The following NDUFAF2 variants were observed in gnomAD, a reference collection of about 807,000 sequenced individuals.
NDUFAF2 encodes NADH dehydrogenase [ubiquinone] 1 alpha subcomplex assembly factor 2.
Under a neutral mutation model 22.8 loss-of-function variants are expected in NDUFAF2, and 13 were observed. The ratio of observed to expected loss-of-function variants is 0.57; its 90% CI spans 0.37 to 0.91. The LOEUF (loss-of-function observed/expected upper bound fraction) is 0.91, where lower values mean the gene tolerates loss of function less well. NDUFAF2 is among the 40% of genes least tolerant of loss of function. The probability of loss-of-function intolerance (pLI) is 0.01; values close to 1 mark genes in which losing one functional copy is unlikely to be tolerated. For synonymous variants in NDUFAF2, 53 were observed against 64.2 expected (o/e 0.83, Z 0.84); for missense variants, 162 against 195.2 (o/e 0.83, Z 1.01).
intron 1 of NDUFAF2, among the ~76,000 whole-genome samples, chr5:61,066,064 A>G (rs1752223974): frequency 6.6e-6 from 1 of 152,094 alleles, no homozygotes; most frequent in South Asian, 2.1e-4. Context: ...ATTTTAATAC[A>G]CAACCTAACT....
intron 1 of NDUFAF2, among the ~76,000 whole-genome samples, chr5:60,968,589 G>A (rs1250638318): frequency 6.6e-6 from 1 of 151,300 alleles, no homozygotes; most frequent in African/African-American, 2.4e-5. Flanking sequence ...TAATTTTTGT[G>A]GGTACATAGT....
chr5:61,100,818 A>G (rs1752696708), intron 3 of NDUFAF2, among the ~76,000 whole-genome samples: 1 of 152,100 alleles, frequency 6.6e-6, no homozygotes, highest in Non-Finnish European at 1.5e-5. Context: ...TGTGGACCCA[A>G]GAGAGTGGAG....
At chr5:61,034,720 T>C (rs539003823) in intron 1 of NDUFAF2, among the ~76,000 whole-genome samples, 1 of 152,278 alleles carries the variant, frequency 6.6e-6, no homozygotes, top group Non-Finnish European at 1.5e-5. Flanking sequence ...CAAAACAGCA[T>C]GTTCAAACTA....
chr5:61,085,441 C>T (rs912709467), intron 2 of NDUFAF2, among the ~76,000 whole-genome samples: 1 of 152,122 alleles, frequency 6.6e-6, no homozygotes, highest in African/African-American at 2.4e-5. Context: ...CAGTTAACCT[C>T]ACATTCAATG....
Position 60,964,485 on chromosome 5 carries a change from C to T in NDUFAF2, c.127+19103C>T, listed in dbSNP as rs544098587. 1.0e-3 allele frequency among the ~76,000 whole-genome samples: 150 copies of T among 150,258 alleles called. 2 individuals are homozygous for T. Among genetic ancestry groups the T allele is most frequent in the Admixed American group, 9.5e-3 (144 of 15,104 alleles). ...TTTTTTTTGGAGACCGAGTCTCACT[C>T]TGTTGCCCCGGCTGGAATACAGTGG... On this transcript the variant is annotated intron_variant, in intron 1 of 3. Transcript: ENST00000296597.
chr5:61,113,549 C>T (rs946999996), intron 3 of NDUFAF2, among the ~76,000 whole-genome samples: 2 of 152,104 alleles, frequency 1.3e-5, no homozygotes, highest in Non-Finnish European at 2.9e-5. Context: ...GGGGTGGTTA[C>T]CTCTGTGCTG....
At chr5:61,111,641 CAG>C (rs1429029019) in intron 3 of NDUFAF2, among the ~76,000 whole-genome samples, 2 of 151,292 alleles carry the variant, frequency 1.3e-5, no homozygotes, top group African/African-American at 4.9e-5. Context: ...TTTTTTGAGA[CAG>C]AGTCTCACTC....
At chr5:60,981,805 C>T (rs1361672077) in intron 1 of NDUFAF2, among the ~76,000 whole-genome samples, 1 of 152,074 alleles carries the variant, frequency 6.6e-6, no homozygotes, top group African/African-American at 2.4e-5. Context: ...ATCTGTACAT[C>T]CACAGTGAAC....
At chr5:61,053,920 C>G (rs1387555839) in intron 1 of NDUFAF2, among the ~76,000 whole-genome samples, 1 of 152,044 alleles carries the variant, frequency 6.6e-6, no homozygotes, top group South Asian at 2.1e-4. Context: ...AACAACTGAA[C>G]TTTAAAAAAC....
Position 61,067,997 on chromosome 5 carries a change from A to G in NDUFAF2, c.128-5128A>G, listed in dbSNP as rs1752251723. ...TTCATATCCCACAACATCATGTTAT[A>G]TCCCTTAAATATATACAATGAAATT... On this transcript the variant is annotated intron_variant, in intron 1 of 3. Coordinates refer to ENST00000296597, the MANE Select transcript of NDUFAF2 (RefSeq NM_174889.5). 3.9e-5 allele frequency among the ~76,000 whole-genome samples: 6 copies of G among 152,158 alleles called. No individual in the cohort carries two copies. In the South Asian group the frequency reaches 1.2e-3, roughly 32 times the overall value.
At chr5:61,111,507 G>A (rs1344630570) in intron 3 of NDUFAF2, among the ~76,000 whole-genome samples, 5 of 152,062 alleles carry the variant, frequency 3.3e-5, no homozygotes, top group Non-Finnish European at 5.9e-5. Flanking sequence ...CATGATCTTG[G>A]CTCACTGCAA....
intron 1 of NDUFAF2, among the ~76,000 whole-genome samples, chr5:60,949,618 A>G (rs1343651303): frequency 3.9e-5 from 6 of 152,230 alleles, no homozygotes; most frequent in Non-Finnish European, 1.5e-5. Context: ...CGGAAATAAC[A>G]GTACCTACTT....
Position 61,072,954 on chromosome 5 carries a change from T to G in NDUFAF2, c.128-171T>G, listed in dbSNP as rs17529085. Among the ~76,000 whole-genome samples, 13,984 of 152,266 alleles carry G rather than the reference T, an allele frequency of 0.092. 1,020 individuals carry two copies. Among genetic ancestry groups the G allele is most frequent in the Admixed American group, 0.23 (3,455 of 15,292 alleles). On this transcript the variant is annotated intron_variant, in intron 1 of 3. Coordinates refer to ENST00000296597, the MANE Select transcript of NDUFAF2 (RefSeq NM_174889.5). Reference sequence around the variant, plus strand: ...AATAATTATAAATTTTTACAGTAGTTTAGAATTTGCCTTTTGTAATATACC... The same window carrying G: ...AATAATTATAAATTTTTACAGTAGTGTAGAATTTGCCTTTTGTAATATACC...
intron 1 of NDUFAF2, among the ~76,000 whole-genome samples, chr5:60,977,813 G>A (rs562341280): frequency 6.9e-6 from 1 of 144,764 alleles, no homozygotes; most frequent in East Asian, 2.2e-4. Context: ...CTCCAGTCTG[G>A]GCTACAGAAC....
At chr5:61,116,286 T>C (rs1040003743) in intron 3 of NDUFAF2, 4 of 152,066 alleles carry the variant, frequency 2.6e-5, no homozygotes, top group Admixed American at 2.0e-4. Flanking sequence ...CAGAGACCCA[T>C]ACAAATAAAT....
rs536091347 is a variant in NDUFAF2 at position 60,947,523 on chromosome 5, T to G, written c.127+2141T>G. 3.3e-5 allele frequency among the ~76,000 whole-genome samples: 5 copies of G among 152,266 alleles called. No individual in the cohort carries two copies. The East Asian group carries it at 9.6e-4, about 29-fold the overall frequency. ...GCTCATGCCTGTAATCCCACCACTT[T>G]GGGAGGCCGAGGTGGGTGGATCACC... On this transcript the variant is annotated intron_variant, in intron 1 of 3. Transcript: ENST00000296597.
chr5:61,008,313 A>G (rs1194669711), intron 1 of NDUFAF2, among the ~76,000 whole-genome samples: 1 of 152,148 alleles, frequency 6.6e-6, no homozygotes, highest in African/African-American at 2.4e-5. Context: ...AAAAAAAAAG[A>G]ATGGATTTTC....
intron 1 of NDUFAF2, among the ~76,000 whole-genome samples, chr5:61,055,159 C>T (rs563152135): frequency 2.4e-4 from 36 of 152,280 alleles, no homozygotes; most frequent in Middle Eastern, 3.4e-3. Context: ...ATGTATGCCA[C>T]TACAGAAGAC....
intron 3 of NDUFAF2, among the ~76,000 whole-genome samples, chr5:61,106,684 C>G (rs1233006362): frequency 6.6e-6 from 1 of 150,798 alleles, no homozygotes; most frequent in Non-Finnish European, 1.5e-5. Context: ...ATTCCCACCC[C>G]CCCTAACACC....
Sources: allele counts gnomAD v4.1 joint callset (sites outside exome capture counted in the v4.1 genomes callset), GRCh38; gene constraint gnomAD v4.1.1; transcripts MANE v1.5; gene names NCBI Gene and HGNC (gene_info 2026-07-23, HGNC 2026-07-21).